The following GSN variants were observed in gnomAD, a reference collection of about 807,000 sequenced individuals.
GSN encodes gelsolin.
GSN carries 56 observed loss-of-function variants against 85.7 expected under a neutral mutation model. That is an observed-to-expected ratio of 0.65 (90% CI 0.53 to 0.82). GSN has a LOEUF of 0.82. Among genes scored for constraint, GSN ranks in the 40% least tolerant of loss-of-function variants. The probability of loss-of-function intolerance (pLI) is 0.00; values close to 1 mark genes in which losing one functional copy is unlikely to be tolerated. For synonymous variants in GSN, 373 were observed against 399.1 expected, an observed-to-expected ratio of 0.93 and a Z score of 0.78; for missense variants, 857 against 979.8, an observed-to-expected ratio of 0.87 and a Z score of 1.67.
At chr9:121,327,271 T>C in intron 13 of GSN, 37 bp from the exon 14 acceptor site, 1 of 1,584,430 alleles carries the variant, frequency 6.3e-7, no homozygotes, top group East Asian at 2.2e-5. Flanking sequence ...GAGGGCTTTT[T>C]GTCTGGTTCC....
intron 5 of GSN, chr9:121,238,999 T>A: frequency 1.9e-6 from 1 of 513,644 alleles, no homozygotes; most frequent in South Asian, 1.5e-5. Context: ...CTCTCTCTTG[T>A]GTAGCTGTCT....
chr9:121,269,044 T>C (rs2055511824), intron 1 of GSN, among the ~76,000 whole-genome samples: 1 of 152,168 alleles, frequency 6.6e-6, no homozygotes, highest in Admixed American at 6.5e-5. Context: ...CAGACATCTG[T>C]CGCTTTATCC....
chr9:121,302,768 A>G (rs2060018157), intron 3 of GSN, 143 bp from the exon 4 acceptor site: 1 of 781,982 alleles, frequency 1.3e-6, no homozygotes, highest in Admixed American at 2.0e-5. Flanking sequence ...AGATGGATTA[A>G]CTGAGGCTCA....
intron 2 of GSN, among the ~76,000 whole-genome samples, chr9:121,292,234 A>G (rs2058763334): frequency 6.6e-6 from 1 of 152,164 alleles, no homozygotes; most frequent in African/African-American, 2.4e-5. Flanking sequence ...AGAACAGGCA[A>G]AGTCAGAGAG....
chr9:121,313,648 A>G (rs2061408932), intron 6 of GSN: 2 of 497,694 alleles, frequency 4.0e-6, no homozygotes, highest in East Asian at 3.7e-5. Flanking sequence ...CAGTAGCTAT[A>G]GTTATCACAA....
At chr9:121,324,417 T>C (rs901157762) in intron 11 of GSN, 137 bp from the exon 12 acceptor site, 1 of 675,994 alleles carries the variant, frequency 1.5e-6, no homozygotes, top group Non-Finnish European at 2.7e-6. Flanking sequence ...CTCTCGTTGT[T>C]CTGAAAGAGT....
At chr9:121,226,454 C>T (rs145175852) in intron 4 of GSN, among the ~76,000 whole-genome samples, 1 of 152,256 alleles carries the variant, frequency 6.6e-6, no homozygotes, top group East Asian at 1.9e-4. Flanking sequence ...CAGAAAGGTC[C>T]TCAGAGAAAG....
intron 2 of GSN, among the ~76,000 whole-genome samples, chr9:121,293,131 A>G (rs1393303664): frequency 6.6e-6 from 1 of 152,204 alleles, no homozygotes; most frequent in African/African-American, 2.4e-5. Flanking sequence ...CATTGTCCCC[A>G]TCGGGAAGGT....
chr9:121,241,171 G>A (rs1030183980), intron 5 of GSN, among the ~76,000 whole-genome samples: 3 of 152,242 alleles, frequency 2.0e-5, no homozygotes, highest in East Asian at 3.9e-4. Context: ...GAATAAACTC[G>A]GAAAGAAGTG....
chr9:121,327,845 G>A (rs10739596), intron 14 of GSN, among the ~76,000 whole-genome samples: 49,698 of 151,938 alleles, frequency 0.33, 10,201 homozygotes, highest in East Asian at 0.57. Context: ...GGTGGCACAT[G>A]CCTGTATAAT....
At chr9:121,284,999 C>T (rs1031127262) in intron 2 of GSN, 1 of 167,244 alleles carries the variant, frequency 6.0e-6, no homozygotes, top group Non-Finnish European at 1.5e-5. Context: ...TGTCCAGAGC[C>T]CTTTCACAGC....
At position 121,275,269 on chromosome 9, in the gene GSN, A is replaced by G. The variant is rs187830905; in HGVS notation, c.-102-6201A>G. 3.3e-5 allele frequency among the ~76,000 whole-genome samples: 5 copies of G among 152,326 alleles called. No individual in the cohort carries two copies. The East Asian group carries it at 9.6e-4, about 29-fold the overall frequency. ...CTGGTTTATGTTTTGCACTTGCCCT[A>G]AGACCTTGAGGACATCACCTCACTG... On this transcript the variant is annotated intron_variant, in intron 1 of 17. Coordinates refer to ENST00000432226, the MANE Select transcript of GSN (RefSeq NM_198252.3).
intron 13 of GSN, 189 bp downstream of exon 13, chr9:121,326,871 C>G: frequency 1.3e-6 from 1 of 755,700 alleles, no homozygotes; most frequent in African/African-American, 1.7e-5. Context: ...TCAAGGATAC[C>G]CAGTGTCCCT....
At chr9:121,260,813 G>C (rs980303870) in intron 6 of GSN, among the ~76,000 whole-genome samples, 2 of 151,990 alleles carry the variant, frequency 1.3e-5, no homozygotes, top group Admixed American at 6.6e-5. Flanking sequence ...TGATGAGAGA[G>C]GAGAAAAACC....
At chr9:121,240,263 C>T (rs909122330) in intron 5 of GSN, among the ~76,000 whole-genome samples, 1 of 152,198 alleles carries the variant, frequency 6.6e-6, no homozygotes, top group Admixed American at 6.5e-5. Flanking sequence ...ATTAAGGTTG[C>T]ATTCAGACAT....
Position 121,221,200 on chromosome 9 carries a change from T to C in GSN, c.-527-9965T>C, listed in dbSNP as rs116754464. On this transcript the variant is annotated intron_variant, in intron 4 of 24. Coordinates refer to the GSN transcript ENST00000373823. ...ACCTTTCCATGATGCCACTTTATTG[T>C]CCGAAACTTCTCCATTTCAAGGGGA... Among the ~76,000 whole-genome samples the C allele has an allele frequency of 6.1e-3, 927 of 152,334 alleles. 14 individuals are homozygous for C. The highest frequency in any genetic ancestry group is 0.021 in the African/African-American group (860 of 41,590).
At chr9:121,273,615 A>AT (rs540938038) in intron 1 of GSN, among the ~76,000 whole-genome samples, 10 of 150,986 alleles carry the variant, frequency 6.6e-5, no homozygotes, top group African/African-American at 1.2e-4. Context: ...TTTTCAGTGC[A>AT]TTTTTTTTTA....
At chr9:121,307,787 G>A (rs187964518) in intron 4 of GSN, among the ~76,000 whole-genome samples, 12 of 152,298 alleles carry the variant, frequency 7.9e-5, no homozygotes, top group Admixed American at 2.6e-4. Flanking sequence ...CTTCCCTGGC[G>A]GTTCTTCCTC....
intron 2 of GSN, among the ~76,000 whole-genome samples, chr9:121,289,510 T>C (rs2058481652): frequency 6.6e-6 from 1 of 152,166 alleles, no homozygotes; most frequent in African/African-American, 2.4e-5. Flanking sequence ...GCTGTTAAGG[T>C]TGAGGAAGTA....
Sources: allele counts gnomAD v4.1 joint callset (sites outside exome capture counted in the v4.1 genomes callset), GRCh38; gene constraint gnomAD v4.1.1; transcripts MANE v1.5; gene names NCBI Gene and HGNC (gene_info 2026-07-23, HGNC 2026-07-21).